The following FAM13A variants were observed in gnomAD, a reference collection of about 807,000 sequenced individuals.
FAM13A encodes the protein family with sequence similarity 13 member A.
FAM13A carries 76 observed loss-of-function variants against 129.6 expected under a neutral mutation model. That is an observed-to-expected ratio of 0.59 (90% CI 0.49 to 0.71). FAM13A has a LOEUF of 0.71. Ranked by LOEUF, FAM13A falls within the 30% of genes least tolerant of loss-of-function variation. FAM13A has a pLI of 0.00. For missense variants in FAM13A, 1,108 were observed against 1,249.3 expected, an observed-to-expected ratio of 0.89 and a Z score of 1.70; for synonymous variants, 443 against 449.9, an observed-to-expected ratio of 0.98 and a Z score of 0.20.
chr4:88,734,278 T>C (rs1403182634), intron 21 of FAM13A, among the ~76,000 whole-genome samples: 2 of 152,174 alleles, frequency 1.3e-5, no homozygotes, highest in African/African-American at 4.8e-5. Flanking sequence ...GAGTAATGAC[T>C]GAAGGGTGAC....
rs549457862 is a variant in FAM13A, at chr4:88,953,593, T to C, written c.606-15352A>G. 6.2e-4 allele frequency among the ~76,000 whole-genome samples: 94 copies of C among 152,332 alleles called. 1 individual carries two copies. Among genetic ancestry groups the C allele is most frequent in the African/African-American group, 2.1e-3 (87 of 41,586 alleles). On this transcript the variant is annotated intron_variant, in intron 4 of 23. Transcript: ENST00000264344. The stretch of plus-strand genomic sequence containing the variant: ...GAAACAGATCTCCAGAACCTTTTCA[T>C]CTGGCAAAAGTGAAACTCTACACCC...
intron 2 of FAM13A, among the ~76,000 whole-genome samples, chr4:89,022,399 T>C (rs747265029): frequency 4.1e-4 from 62 of 152,270 alleles, no homozygotes; most frequent in Middle Eastern, 3.4e-3. Flanking sequence ...CTTCCACATA[T>C]ACATATTATT....
At chr4:88,990,756 T>C (rs1762828103) in intron 4 of FAM13A, 1 of 424,158 alleles carries the variant, frequency 2.4e-6, no homozygotes, top group African/African-American at 2.0e-5. Context: ...GCTATTTGAT[T>C]TATTGCAAAT....
intron 6 of FAM13A, among the ~76,000 whole-genome samples, chr4:88,898,117 G>A (rs1430539030): frequency 6.6e-6 from 1 of 152,178 alleles, no homozygotes; most frequent in Non-Finnish European, 1.5e-5. Context: ...CTAATTTCAT[G>A]AGAGTAATAG....
At chr4:88,824,620 G>T in intron 7 of FAM13A, among the ~76,000 whole-genome samples, 1 of 152,176 alleles carries the variant, frequency 6.6e-6, no homozygotes, top group South Asian at 2.1e-4. Flanking sequence ...ATTCTAATTT[G>T]ATTTTCTAGT....
At chr4:88,923,147 C>CCAATTCAATTCTATTGAT (rs1329698227) in intron 5 of FAM13A, among the ~76,000 whole-genome samples, 1 of 152,148 alleles carries the variant, frequency 6.6e-6, no homozygotes, top group African/African-American at 2.4e-5. Flanking sequence ...ACCATTCCTT[C>CCAATTCAATTCTATTGAT]TGAAACTATT....
intron 4 of FAM13A, among the ~76,000 whole-genome samples, chr4:88,987,837 T>C (rs1762431837): frequency 6.5e-5 from 1 of 15,442 alleles, no homozygotes; most frequent in Non-Finnish European, 1.2e-4. Context: ...GAGACTCCTC[T>C]CAAAAAAAAA....
At chr4:88,892,415 G>C (rs1397115925) in intron 6 of FAM13A, among the ~76,000 whole-genome samples, 1 of 151,776 alleles carries the variant, frequency 6.6e-6, no homozygotes. Flanking sequence ...TCCTGACCTC[G>C]TGACCTGCCC....
intron 8 of FAM13A, among the ~76,000 whole-genome samples, chr4:88,804,266 A>C (rs1028021445): frequency 2.2e-4 from 34 of 152,220 alleles, no homozygotes; most frequent in African/African-American, 7.0e-4. Context: ...TAAATAAATA[A>C]ATAAAATAAA....
intron 4 of FAM13A, among the ~76,000 whole-genome samples, chr4:88,960,763 T>C (rs996952924): frequency 2.0e-5 from 3 of 152,176 alleles, no homozygotes; most frequent in Non-Finnish European, 4.4e-5. Flanking sequence ...GCTTCCTGAA[T>C]AGATTTACAG....
Position 88,760,367 on chromosome 4 carries a change from G to A in FAM13A, c.1579-1466C>T, listed in dbSNP as rs1189841551. Reference sequence around the variant, plus strand: ...CGCCTGTAATCCCAGCACTTTGGGAGGCAGAGGCGGGCGGATCATGAGGTC... The same window carrying A: ...CGCCTGTAATCCCAGCACTTTGGGAAGCAGAGGCGGGCGGATCATGAGGTC... On this transcript the variant is annotated intron_variant, in intron 13 of 23. Transcript: ENST00000264344. Among the ~76,000 whole-genome samples, 2 of 91,728 alleles carry A rather than the reference G, an allele frequency of 2.2e-5. 1 individual carries two copies. Among genetic ancestry groups the A allele is most frequent in the East Asian group, 4.9e-4 (2 of 4,092 alleles). The allele number at this position is 91,728 out of a possible 152,430, so 60.2% of individuals were successfully genotyped here.
At chr4:88,844,496 A>T (rs1304311463) in intron 7 of FAM13A, among the ~76,000 whole-genome samples, 1 of 152,222 alleles carries the variant, frequency 6.6e-6, no homozygotes, top group Non-Finnish European at 1.5e-5. Context: ...ATAGCCAAAA[A>T]ATGTTATACA....
chr4:88,977,689 T>C (rs1344219810), intron 4 of FAM13A, among the ~76,000 whole-genome samples: 3 of 152,184 alleles, frequency 2.0e-5, no homozygotes, highest in South Asian at 4.1e-4. Context: ...GTTATTCTAC[T>C]ATCTCCTTTT....
intron 7 of FAM13A, among the ~76,000 whole-genome samples, chr4:88,832,447 G>C (rs1037444857): frequency 6.6e-6 from 1 of 152,250 alleles, no homozygotes; most frequent in South Asian, 2.1e-4. Flanking sequence ...AGAGTGAACA[G>C]ACAACCTACA....
rs574704744 is a variant in FAM13A at position 88,889,701 on chromosome 4, G to A, written c.843+16678C>T. ...TTATGGACCTGTGAACTTTGCACAC[G>A]CCTTCTATCTTCTTTTTCAGTGTCC... On this transcript the variant is annotated intron_variant, in intron 6 of 23. Coordinates refer to ENST00000264344, the MANE Select transcript of FAM13A (RefSeq NM_014883.4). Among the ~76,000 whole-genome samples, 8 of 152,180 alleles carry A rather than the reference G, an allele frequency of 5.3e-5. No individual in the cohort carries two copies. In the South Asian group the frequency reaches 6.2e-4, roughly 12 times the overall value.
At chr4:89,050,660 G>A (rs1771469682) in intron 1 of FAM13A, among the ~76,000 whole-genome samples, 1 of 151,776 alleles carries the variant, frequency 6.6e-6, no homozygotes. Context: ...AGGTATGGTG[G>A]CTCACACCTG....
chr4:88,773,655 A>G (rs1188063703), intron 11 of FAM13A, among the ~76,000 whole-genome samples: 2 of 152,064 alleles, frequency 1.3e-5, no homozygotes, highest in Non-Finnish European at 2.9e-5. Flanking sequence ...TACCCTTTGT[A>G]CTCAGTCCTT....
At chr4:88,996,075 C>T (rs895207178) in intron 3 of FAM13A, among the ~76,000 whole-genome samples, 3 of 152,128 alleles carry the variant, frequency 2.0e-5, no homozygotes, top group African/African-American at 7.2e-5. Flanking sequence ...ACAGCACACG[C>T]AAAGGGCCTG....
At chr4:88,857,404 G>A (rs1044754835) in intron 6 of FAM13A, among the ~76,000 whole-genome samples, 1 of 152,066 alleles carries the variant, frequency 6.6e-6, no homozygotes, top group South Asian at 2.1e-4. Context: ...AAGGCAGGCG[G>A]ATCACTTGAG....
Sources: allele counts gnomAD v4.1 joint callset (sites outside exome capture counted in the v4.1 genomes callset), GRCh38; gene constraint gnomAD v4.1.1; transcripts MANE v1.5; gene names NCBI Gene and HGNC (gene_info 2026-07-23, HGNC 2026-07-21).